The following ASPM variants were observed in gnomAD, a reference collection of about 807,000 sequenced individuals.
ASPM encodes the protein assembly factor for spindle microtubules.
Under a neutral mutation model 366.4 loss-of-function variants are expected in ASPM, and 256 were observed. That is an observed-to-expected ratio of 0.70 (90% CI 0.63 to 0.77). The LOEUF (loss-of-function observed/expected upper bound fraction) is 0.77. Ranked by LOEUF, ASPM falls within the 30% of genes least tolerant of loss-of-function variation. The pLI, the probability that ASPM is intolerant of heterozygous loss-of-function variation, is 0.00. For missense variants in ASPM, 4,146 were observed against 4,090.4 expected (o/e 1.01, Z -0.37); for synonymous variants, 1,414 against 1,342.9 (o/e 1.05, Z -1.16).
chr1:197,098,079 A>G (rs531442656), intron 18 of ASPM, among the ~76,000 whole-genome samples: 4 of 150,886 alleles, frequency 2.7e-5, no homozygotes, highest in East Asian at 2.0e-4. Context: ...AGAAGCCAAC[A>G]TAGCGTTAAG....
chr1:197,084,174 T>C lies in ASPM; in HGVS notation c.*150A>G. ...ATTACATGCATAAAACTATAAATGA[T>C]AAAAATGAAGAATGTAATGAACAGT... On this transcript the variant is annotated 3_prime_UTR_variant, in exon 28 of 28. Coordinates refer to ENST00000367409, the MANE Select transcript of ASPM (RefSeq NM_018136.5). The C allele has an allele frequency of 1.6e-6, 1 of 630,952 alleles. No individual in the cohort carries two copies. The highest frequency in any genetic ancestry group is 1.9e-5 in the South Asian group (1 of 51,668). 39.1% of individuals were successfully genotyped at this position (630,952 alleles called of 1,614,324 possible).
At chr1:197,132,207 T>C (rs761444787) in intron 7 of ASPM, 78 bp downstream of exon 7, 1 of 1,128,026 alleles carries the variant, frequency 8.9e-7, no homozygotes, top group South Asian at 1.6e-5. Flanking sequence ...TAAAACTACA[T>C]TGTAATAAAA....
intron 22 of ASPM, among the ~76,000 whole-genome samples, chr1:197,091,551 T>C (rs1411968125): frequency 6.6e-6 from 1 of 151,936 alleles, no homozygotes; most frequent in Non-Finnish European, 1.5e-5. Context: ...TCATTAGCCA[T>C]CAAGTAAATC....
intron 4 of ASPM, chr1:197,138,955 C>A: frequency 2.7e-6 from 2 of 740,160 alleles, no homozygotes; most frequent in South Asian, 2.9e-5. Context: ...TTCTCCTTGA[C>A]TCGCTGCATA....
In ASPM at chr1:197,143,695, T is replaced by A; in HGVS notation, c.557A>T (p.Asp186Val). 2 of 1,613,950 alleles carry A rather than the reference T, an allele frequency of 1.2e-6. No individual in the cohort carries two copies. The highest frequency in any genetic ancestry group is 2.2e-5 in the South Asian group (2 of 91,074). ...NKTFSVSQKV[D>V]RVRSPLQACE... is the part of the protein sequence containing the mutation. ...AGCTTGTAGTGGGCTCCTAACTCTG[T>A]CAACTTTTTGGGAAACACTAAATGT... is the stretch of plus-strand genomic sequence containing the variant. Residue 186 changes from aspartate (D) to valine (V), a missense_variant, in exon 3 of 28, where the codon GAC (aspartate) becomes GTC (valine). Physicochemically the swap from Asp to Val is radical, Grantham distance 152 (BLOSUM62 -3). Around this residue, in one of 3 missense-constraint regions of ASPM, gnomAD observed 512 missense variants for 471.7 expected, o/e 1.09. Coordinates refer to ENST00000367409, the MANE Select transcript of ASPM (RefSeq NM_018136.5).
In ASPM at chr1:197,088,383, A is replaced by T. The variant is rs1193488480; in HGVS notation, c.10034T>A (p.Ile3345Lys). 1 of 1,610,750 alleles carries T rather than the reference A, an allele frequency of 6.2e-7. No homozygotes were observed. Among genetic ancestry groups the T allele is most frequent in the Non-Finnish European group, 8.5e-7 (1 of 1,177,532 alleles). The change falls in exon 26 of 28, where the codon ATA (isoleucine) becomes AAA (lysine). Residue 3345 changes from isoleucine to lysine, a missense_variant. Around this residue, in one of 3 missense-constraint regions of ASPM, gnomAD observed 3,624 missense variants for 3,591.7 expected, o/e 1.01. Transcript: ENST00000367409. ...GTATATCTGCAAAAGCTCCAATAGT[A>T]TATCTATACAATTTTCTACATCATA... The part of the protein sequence containing the change: ...AVYDVENCID[I>K]LLELLQIYRE...
At chr1:197,109,533 T>C (rs1657523302) in intron 17 of ASPM, among the ~76,000 whole-genome samples, 1 of 152,076 alleles carries the variant, frequency 6.6e-6, no homozygotes, top group Admixed American at 6.6e-5. Flanking sequence ...ACAGTTTATA[T>C]AATACTTAAT....
chr1:197,092,232 A>G (rs925547914), intron 21 of ASPM, among the ~76,000 whole-genome samples, 176 bp from the exon 22 acceptor site: 1 of 151,890 alleles, frequency 6.6e-6, no homozygotes, highest in Non-Finnish European at 1.5e-5. Context: ...GTACTATACA[A>G]TATTTCCAGT....
chr1:197,101,399 TTA>T lies in ASPM; in HGVS notation c.7850_7851del (p.Ile2617LysfsTer19), dbSNP rs1240991597. The T allele has an allele frequency of 1.2e-6, 2 of 1,608,682 alleles. No homozygotes were observed. Among genetic ancestry groups the T allele is most frequent in the Non-Finnish European group, 1.7e-6 (2 of 1,178,990 alleles). On this transcript the variant is annotated frameshift_variant, in exon 18 of 28. Transcript: ENST00000367409. LOFTEE classifies it high-confidence loss of function. ...CVQAGFQDMN[I>X]KKQIQEQHQA... ...TGGTGCTGTTCCTGAATCTGTTTTT[TTA>T]TGTTCATGTCCTGAAAACCTGCCTG...
At position 197,104,087 on chromosome 1, in the gene ASPM, T is replaced by G. The variant is rs773553177; in HGVS notation, c.5164A>C (p.Arg1722=). The G allele has an allele frequency of 1.9e-6, 3 of 1,613,032 alleles. No individual in the cohort carries two copies. Among genetic ancestry groups the G allele is most frequent in the South Asian group, 2.2e-5 (2 of 91,052 alleles). ...TCCCGCATCTGCATATACTCTTCTCTCTTTTGTGCAGCTATTTTTTTGGAA... is the reference window on the plus strand; with the variant it reads ...TCCCGCATCTGCATATACTCTTCTCGCTTTTGTGCAGCTATTTTTTTGGAA... ...YRSKKIAAQK[R]EEYMQMRESC... The change falls in exon 18 of 28, where the codon AGA becomes CGA. Residue 1722 remains arginine (R), a synonymous_variant. Coordinates refer to ENST00000367409, the MANE Select transcript of ASPM (RefSeq NM_018136.5).
Position 197,103,183 on chromosome 1 carries a change from G to A in ASPM, c.6068C>T (p.Ala2023Val), listed in dbSNP as rs576586377. 2.5e-6 allele frequency: 4 copies of A among 1,612,566 alleles called. No individual in the cohort carries two copies. In the East Asian group the frequency reaches 6.7e-5, roughly 27 times the overall value. ...QNHLYLKTKA[A>V]VVTLQSAYRG... ...ATAAGCTGACTGTAAAGTTACTACA[G>A]CTGCTTTTGTTTTCAAATATAAATG... Residue 2023 changes from alanine to valine, a missense_variant, in exon 18 of 28, where the codon GCT (alanine) becomes GTT (valine). Physicochemically the swap from Ala to Val is moderately conservative, Grantham distance 64. Transcript: ENST00000367409.
chr1:197,137,509 T>C (rs1487578952), intron 4 of ASPM, among the ~76,000 whole-genome samples: 1 of 152,198 alleles, frequency 6.6e-6, no homozygotes, highest in East Asian at 1.9e-4. Context: ...TAGTGACTCA[T>C]AGCGCTCTGT....
chr1:197,108,050 G>A (rs980507129), intron 17 of ASPM, among the ~76,000 whole-genome samples: 1 of 152,040 alleles, frequency 6.6e-6, no homozygotes, highest in East Asian at 1.9e-4. Context: ...AAATAGGAAA[G>A]AATTGAAATC....
At position 197,104,818 on chromosome 1, in the gene ASPM, T is replaced by G. The variant is rs756162386; in HGVS notation, c.4433A>C (p.His1478Pro). Residue 1478 changes from histidine to proline, a missense_variant, in exon 18 of 28, where the codon CAT becomes CCT. This residue lies in a region of ASPM where 3,624 missense variants were observed against 3,591.7 expected (regional missense o/e 1.01). Coordinates refer to ENST00000367409, the MANE Select transcript of ASPM (RefSeq NM_018136.5). ...AIIIQSWYRM[H>P]KELRKYIYIR... ...ATAAATATATTTCCGTAATTCTTTATGCATTCTATACCATGATTGTATGAT... is the reference window on the plus strand; with the variant it reads ...ATAAATATATTTCCGTAATTCTTTAGGCATTCTATACCATGATTGTATGAT... The G allele has an allele frequency of 6.3e-7, 1 of 1,581,112 alleles. No individual in the cohort carries two copies. The highest frequency in any genetic ancestry group is 1.9e-5 in the Admixed American group (1 of 53,542).
intron 4 of ASPM, chr1:197,138,821 A>G: frequency 1.3e-6 from 1 of 778,294 alleles, no homozygotes; most frequent in South Asian, 1.3e-5. Context: ...AGCAGCCTTC[A>G]TTTTATAAAA....
intron 21 of ASPM, 105 bp downstream of exon 21, chr1:197,092,947 T>TATTAGTTCTGACCATTAGTTCTGACCATA (rs1656831393): frequency 1.0e-6 from 1 of 974,954 alleles, no homozygotes; most frequent in African/African-American, 1.6e-5. Flanking sequence ...TTAATGGTCA[T>TATTAGTTCTGACCATTAGTTCTGACCATA]ATTAGTTCTG....
intron 16 of ASPM, among the ~76,000 whole-genome samples, chr1:197,120,830 A>G (rs1049915607): frequency 1.3e-5 from 2 of 152,114 alleles, no homozygotes; most frequent in African/African-American, 4.8e-5. Context: ...GGCACACAGC[A>G]TATACAGTAG....
rs1400534155 is a variant in ASPM at position 197,101,308 on chromosome 1, C to G, written c.7943G>C (p.Arg2648Thr). ...FKIRKHYLHL[R>T]ATVVSIQRRY... ...TCTTTGAATAGAAACTACTGTTGCTCTAAGGTGGAGATAATGCTTCCTTAT... is the reference window on the plus strand; with the variant it reads ...TCTTTGAATAGAAACTACTGTTGCTGTAAGGTGGAGATAATGCTTCCTTAT... Residue 2648 changes from arginine (R) to threonine (T), a missense_variant, in exon 18 of 28, where the codon AGA (arginine) becomes ACA (threonine). Transcript: ENST00000367409. 8 of 1,611,834 alleles carry G rather than the reference C, an allele frequency of 5.0e-6. 1 individual carries two copies. In the South Asian group the frequency reaches 5.5e-5, roughly 11 times the overall value.
At chr1:197,138,986 C>G in intron 4 of ASPM, 1 of 722,588 alleles carries the variant, frequency 1.4e-6, no homozygotes, top group South Asian at 1.5e-5. Context: ...AACTCTTCTT[C>G]TCTCTGACAT....
Sources: allele counts gnomAD v4.1 joint callset (sites outside exome capture counted in the v4.1 genomes callset), GRCh38; gene constraint gnomAD v4.1.1; regional missense constraint gnomAD v4.1.1; transcripts MANE v1.5; gene names NCBI Gene and HGNC (gene_info 2026-07-23, HGNC 2026-07-21).